The following SHISA9 variants were observed in gnomAD, a reference collection of about 807,000 sequenced individuals.
The protein encoded by SHISA9 is protein shisa-9.
Under a neutral mutation model 38.0 loss-of-function variants are expected in SHISA9, and 13 were observed. That is an observed-to-expected ratio of 0.34 (90% CI 0.22 to 0.54). SHISA9 has a LOEUF of 0.54. Ranked by LOEUF, SHISA9 falls within the 20% of genes least tolerant of loss-of-function variation. The probability of loss-of-function intolerance (pLI) is 0.91; values close to 1 mark genes in which losing one functional copy is unlikely to be tolerated. For synonymous variants in SHISA9, 275 were observed against 242.0 expected (o/e 1.14, Z -1.27); for missense variants, 538 against 575.8 (o/e 0.93, Z 0.67).
At chr16:13,320,115 A>G in the SHISA9 span, among the ~76,000 whole-genome samples, 3 of 151,344 alleles carry the variant, frequency 2.0e-5, no homozygotes, top group African/African-American at 7.3e-5. Flanking sequence ...ACATGGTGAA[A>G]CCCCGTCTCT....
chr16:13,461,186 C>G, the SHISA9 span, among the ~76,000 whole-genome samples: 5 of 152,240 alleles, frequency 3.3e-5, no homozygotes, highest in African/African-American at 1.2e-4. Context: ...ACTTGCCTCT[C>G]TTGGGCAACT....
chr16:13,443,242 A>G, the SHISA9 span, among the ~76,000 whole-genome samples: 1 of 152,216 alleles, frequency 6.6e-6, no homozygotes, highest in Non-Finnish European at 1.5e-5. Flanking sequence ...GTTCAATGTG[A>G]CTTGGGACCA....
intron 2 of SHISA9, among the ~76,000 whole-genome samples, chr16:13,133,206 C>T (rs184312667): frequency 0.012 from 1,872 of 152,236 alleles, 24 homozygotes; most frequent in South Asian, 0.023. Context: ...TTTTCTGGAT[C>T]TTGATTTCTA....
At chr16:13,321,722 C>G in the SHISA9 span, among the ~76,000 whole-genome samples, 76 of 152,206 alleles carry the variant, frequency 5.0e-4, no homozygotes, top group African/African-American at 1.8e-3. Flanking sequence ...CGGTGTATGG[C>G]TGTGTGTGCA....
intron 2 of SHISA9, among the ~76,000 whole-genome samples, chr16:13,001,829 A>G (rs1159632488): frequency 1.3e-5 from 2 of 152,172 alleles, no homozygotes; most frequent in Admixed American, 1.3e-4. Context: ...TTTACTTTGA[A>G]ATGCATAAAA....
intron 1 of SHISA9, among the ~76,000 whole-genome samples, chr16:12,905,526 G>T (rs12928577): frequency 0.22 from 33,886 of 151,938 alleles, 4,815 homozygotes; most frequent in Non-Finnish European, 0.32. Flanking sequence ...TATTTCACAG[G>T]GCTGATGGAG....
At chr16:13,533,582 A>T in the SHISA9 span, among the ~76,000 whole-genome samples, 1 of 151,788 alleles carries the variant, frequency 6.6e-6, no homozygotes, top group African/African-American at 2.4e-5. Flanking sequence ...CAAATACACA[A>T]GCCTCTGTGG....
chr16:13,333,859 T>C, the SHISA9 span, among the ~76,000 whole-genome samples: 2 of 152,226 alleles, frequency 1.3e-5, no homozygotes, highest in Non-Finnish European at 2.9e-5. Context: ...TTATGCTTTC[T>C]CATTAAAACT....
chr16:12,977,095 T>C (rs1326566972), intron 2 of SHISA9, among the ~76,000 whole-genome samples: 1 of 152,124 alleles, frequency 6.6e-6, no homozygotes, highest in Non-Finnish European at 1.5e-5. Flanking sequence ...CAGTGAAATG[T>C]GAATGGAAGC....
intron 2 of SHISA9, among the ~76,000 whole-genome samples, chr16:13,081,502 C>A (rs959837353): frequency 4.6e-5 from 7 of 150,942 alleles, no homozygotes; most frequent in Non-Finnish European, 7.4e-5. Context: ...TTGCTGGCTG[C>A]AAGGGAAGTT....
intron 2 of SHISA9, among the ~76,000 whole-genome samples, chr16:12,965,929 A>G (rs970546551): frequency 6.6e-6 from 1 of 152,188 alleles, no homozygotes; most frequent in African/African-American, 2.4e-5. Context: ...ATAGAAGAAC[A>G]GGGGACATTT....
the SHISA9 span, among the ~76,000 whole-genome samples, chr16:13,490,018 C>A: frequency 0.28 from 43,169 of 151,976 alleles, 6,717 homozygotes; most frequent in East Asian, 0.37. Context: ...ATGAAATTGG[C>A]AATATTCAAC....
At chr16:13,499,397 G>A in the SHISA9 span, among the ~76,000 whole-genome samples, 3 of 152,120 alleles carry the variant, frequency 2.0e-5, no homozygotes, top group South Asian at 6.2e-4. Flanking sequence ...ATACACAAAG[G>A]AAAATGAGTG....
At chr16:13,261,177 C>T in the SHISA9 span, among the ~76,000 whole-genome samples, 2 of 152,068 alleles carry the variant, frequency 1.3e-5, no homozygotes, top group African/African-American at 2.4e-5. Context: ...GTAAACAAGA[C>T]CATCTTGCCT....
chr16:13,404,765 A>G, the SHISA9 span, among the ~76,000 whole-genome samples: 6 of 152,228 alleles, frequency 3.9e-5, no homozygotes, highest in Non-Finnish European at 7.3e-5. Context: ...GCCTAAGCCA[A>G]TGATGTTAAA....
the SHISA9 span, among the ~76,000 whole-genome samples, chr16:13,252,052 C>T: frequency 3.3e-5 from 5 of 152,298 alleles, no homozygotes; most frequent in East Asian, 3.9e-4. Context: ...CAGATCACAA[C>T]GTTCTTTCTT....
chr16:13,523,230 G>C, the SHISA9 span, among the ~76,000 whole-genome samples: 2 of 152,088 alleles, frequency 1.3e-5, no homozygotes, highest in African/African-American at 4.8e-5. Flanking sequence ...GGCATGTGTA[G>C]TCCCAGCTAT....
chr16:13,082,083 A>G (rs2073657486), intron 2 of SHISA9, among the ~76,000 whole-genome samples: 1 of 152,214 alleles, frequency 6.6e-6, no homozygotes. Flanking sequence ...GACTACAACA[A>G]CAACAGAACC....
chr16:13,197,364 C>G (rs747569440), intron 2 of SHISA9, among the ~76,000 whole-genome samples: 1 of 152,092 alleles, frequency 6.6e-6, no homozygotes. Flanking sequence ...TAATATTTGT[C>G]TCTTCTGCAT....
Sources: gnomAD v4.1 joint callset for allele counts (sites outside exome capture counted in the v4.1 genomes callset) on GRCh38, gnomAD v4.1.1 for gene constraint, MANE v1.5 for transcripts, NCBI Gene and HGNC (gene_info 2026-07-23, HGNC 2026-07-21) for gene names.